The following TNR variants were observed in gnomAD, a reference collection of about 807,000 sequenced individuals.
TNR encodes tenascin-R.
A neutral mutation model predicts 150.4 loss-of-function variants in TNR; 45 were observed. That is an observed-to-expected ratio of 0.30 (90% CI 0.24 to 0.38). The LOEUF is 0.38. Among genes scored for constraint, TNR ranks in the 10% least tolerant of loss-of-function variants. The pLI is 1.00. For missense variants in TNR, 1,544 were observed against 1,759.1 expected, an observed-to-expected ratio of 0.88 and a Z score of 2.19; for synonymous variants, 687 against 678.4, an observed-to-expected ratio of 1.01 and a Z score of -0.20.
chr1:175,732,826 A>C (rs1326549292), intron 1 of TNR, among the ~76,000 whole-genome samples: 1 of 152,238 alleles, frequency 6.6e-6, no homozygotes, highest in Non-Finnish European at 1.5e-5. Flanking sequence ...CTCATTCCAA[A>C]AGGGATTGTT....
chr1:175,478,671 G>A (rs1346866191), intron 2 of TNR, among the ~76,000 whole-genome samples: 3 of 152,056 alleles, frequency 2.0e-5, no homozygotes, highest in Middle Eastern at 3.4e-3. Context: ...GATGCTGTAC[G>A]AAAGGAGGGA....
intron 5 of TNR, among the ~76,000 whole-genome samples, chr1:175,395,065 A>T (rs2629484): frequency 0.64 from 96,456 of 149,960 alleles, 31,198 homozygotes; most frequent in East Asian, 0.82. Context: ...TTTTTTTTTT[A>T]AAAAAAGGTC....
chr1:175,512,578 T>G (rs536057042), intron 2 of TNR, among the ~76,000 whole-genome samples: 19 of 152,270 alleles, frequency 1.2e-4, no homozygotes, highest in African/African-American at 4.1e-4. Context: ...TGACCTGACT[T>G]GGGTCAGTCA....
At chr1:175,571,341 G>C (rs944596552) in intron 1 of TNR, among the ~76,000 whole-genome samples, 5 of 152,002 alleles carry the variant, frequency 3.3e-5, no homozygotes, top group Admixed American at 1.3e-4. Flanking sequence ...ATGTTTACTG[G>C]AAGCTTTTTA....
rs1394310769 is a variant in TNR, at chr1:175,601,399, T to G, written c.-164-73030A>C. Among the ~76,000 whole-genome samples the G allele has an allele frequency of 2.6e-5, 4 of 152,212 alleles. No homozygotes were observed. The East Asian group carries it at 7.7e-4, about 29-fold the overall frequency. On this transcript the variant is annotated intron_variant, in intron 1 of 22. Transcript: ENST00000367674. ...GCATGTCTTTGGGGGACTTAGTGTG[T>G]GATCCACAGACTTCTAGTCATCATG... is the stretch of plus-strand genomic sequence containing the variant.
intron 2 of TNR, among the ~76,000 whole-genome samples, chr1:175,526,390 C>T (rs1021066270): frequency 7.9e-5 from 12 of 152,150 alleles, no homozygotes; most frequent in African/African-American, 2.9e-4. Context: ...TGGGCCCCTT[C>T]CCCCAGATTA....
At chr1:175,484,454 C>G (rs1048020092) in intron 2 of TNR, among the ~76,000 whole-genome samples, 2 of 151,998 alleles carry the variant, frequency 1.3e-5, no homozygotes, top group African/African-American at 4.8e-5. Context: ...TCCACTCTTT[C>G]CTTTTGCAGT....
intron 1 of TNR, among the ~76,000 whole-genome samples, chr1:175,664,577 T>C (rs1270879281): frequency 6.6e-6 from 1 of 152,234 alleles, no homozygotes; most frequent in Non-Finnish European, 1.5e-5. Context: ...TCCTAGATCA[T>C]CTAGCACCTG....
chr1:175,571,919 A>G (rs771644680), intron 1 of TNR, among the ~76,000 whole-genome samples: 1 of 152,224 alleles, frequency 6.6e-6, no homozygotes, highest in African/African-American at 2.4e-5. Flanking sequence ...GGGAGTATGC[A>G]TGCTTTCCAT....
intron 1 of TNR, among the ~76,000 whole-genome samples, chr1:175,669,265 G>A (rs76238649): frequency 0.013 from 1,967 of 152,288 alleles, 44 homozygotes; most frequent in African/African-American, 0.042. Flanking sequence ...CTTCTTCTCT[G>A]CAATCTAGAG....
chr1:175,698,236 G>A (rs74129310), intron 1 of TNR, among the ~76,000 whole-genome samples: 1,548 of 152,328 alleles, frequency 0.01, 26 homozygotes, highest in African/African-American at 0.035. Context: ...GGCACTCTGT[G>A]CCAAGTAAGG....
intron 20 of TNR, among the ~76,000 whole-genome samples, chr1:175,331,046 T>TTTCTTTCCTTCCTTCCTTCC (rs1649772301): frequency 6.0e-5 from 5 of 82,968 alleles, no homozygotes; most frequent in African/African-American, 2.3e-4. Context: ...TCTTTCTTTC[T>TTTCTTTCCTTCCTTCCTTCC]TTCTTTCTTT....
chr1:175,483,623 C>T (rs1340003002), intron 2 of TNR, among the ~76,000 whole-genome samples: 2 of 152,168 alleles, frequency 1.3e-5, no homozygotes, highest in African/African-American at 2.4e-5. Context: ...AGACACTGAG[C>T]GATTCCATGA....
At chr1:175,593,697 C>G (rs1662895864) in intron 1 of TNR, among the ~76,000 whole-genome samples, 2 of 152,174 alleles carry the variant, frequency 1.3e-5, no homozygotes, top group South Asian at 4.1e-4. Flanking sequence ...CTAGCAGCCC[C>G]AGAGTCTTCA....
At chr1:175,494,531 TG>T (rs911956783) in intron 2 of TNR, among the ~76,000 whole-genome samples, 22 of 151,564 alleles carry the variant, frequency 1.5e-4, no homozygotes, top group African/African-American at 5.4e-4. Context: ...GACATGCTTT[TG>T]TAGGGCAGTC....
chr1:175,341,752 AG>A (rs1485450839), intron 18 of TNR, among the ~76,000 whole-genome samples: 1 of 152,256 alleles, frequency 6.6e-6, no homozygotes, highest in African/African-American at 2.4e-5. Flanking sequence ...CTCTGAAAAC[AG>A]CCTCAGCAGG....
At chr1:175,681,691 G>A (rs1343846378) in intron 1 of TNR, among the ~76,000 whole-genome samples, 1 of 152,140 alleles carries the variant, frequency 6.6e-6, no homozygotes, top group African/African-American at 2.4e-5. Flanking sequence ...TACAACAGTG[G>A]GAGCAGTGAC....
At chr1:175,517,150 C>T (rs1659448408) in intron 2 of TNR, among the ~76,000 whole-genome samples, 1 of 152,034 alleles carries the variant, frequency 6.6e-6, no homozygotes, top group Non-Finnish European at 1.5e-5. Context: ...GCTGAAATAT[C>T]TTTTCTGGAC....
chr1:175,601,205 G>A (rs796206363), intron 1 of TNR, among the ~76,000 whole-genome samples: 6 of 152,302 alleles, frequency 3.9e-5, no homozygotes, highest in African/African-American at 1.4e-4. Context: ...GGTAAAAACC[G>A]CCACATCCTG....
Sources: allele counts gnomAD v4.1 joint callset (sites outside exome capture counted in the v4.1 genomes callset), GRCh38; gene constraint gnomAD v4.1.1; transcripts MANE v1.5; gene names NCBI Gene and HGNC (gene_info 2026-07-23, HGNC 2026-07-21).